The following PLA2G4E variants were observed in gnomAD, a reference collection of about 807,000 sequenced individuals.
PLA2G4E encodes the protein cytosolic phospholipase A2 epsilon.
PLA2G4E carries 84 observed loss-of-function variants against 109.1 expected under a neutral mutation model. That is an observed-to-expected ratio of 0.77 (90% CI 0.65 to 0.92). PLA2G4E has a LOEUF of 0.92. PLA2G4E is among the 40% of genes least tolerant of loss of function. The pLI is 0.00. For missense variants in PLA2G4E, 1,057 were observed against 1,076.6 expected (o/e 0.98, Z 0.25); for synonymous variants, 469 against 436.1 (o/e 1.08, Z -0.94).
intron 2 of PLA2G4E, among the ~76,000 whole-genome samples, chr15:42,012,599 C>T (rs1240927080): frequency 6.6e-6 from 1 of 152,174 alleles, no homozygotes; most frequent in Non-Finnish European, 1.5e-5. Flanking sequence ...ATACTCAGGT[C>T]CTGCCCCTCT....
chr15:41,990,756 T>C (rs1482005643), intron 13 of PLA2G4E, among the ~76,000 whole-genome samples: 1 of 148,272 alleles, frequency 6.7e-6, no homozygotes, highest in East Asian at 2.0e-4. Context: ...TTTTTTTTTT[T>C]TTTTTTTTAA....
At chr15:42,001,040 A>G in intron 7 of PLA2G4E, 117 bp downstream of exon 7, 1 of 1,036,710 alleles carries the variant, frequency 9.6e-7, no homozygotes, top group East Asian at 2.4e-5. Flanking sequence ...GTTTCAGCCG[A>G]GCTTTTGGTC....
intron 1 of PLA2G4E, among the ~76,000 whole-genome samples, chr15:42,033,840 G>C (rs1300110756): frequency 6.6e-6 from 1 of 152,214 alleles, no homozygotes; most frequent in African/African-American, 2.4e-5. Flanking sequence ...CAAGCCTCCT[G>C]TCCTGTGTAG....
chr15:41,983,751 G>A (rs2068094798), exon 20 of PLA2G4E: 1 of 1,581,434 alleles, frequency 6.3e-7, no homozygotes, highest in African/African-American at 1.3e-5. Flanking sequence ...GGCTCCCTGG[G>A]GCCTAGGAGG....
intron 10 of PLA2G4E, 98 bp downstream of exon 10, chr15:41,999,426 G>T (rs1464563149): frequency 1.4e-5 from 12 of 857,302 alleles, no homozygotes; most frequent in Non-Finnish European, 1.9e-5. Flanking sequence ...AACATCATTA[G>T]CCATAGGGGA....
chr15:41,984,576 G>A, exon 19 of PLA2G4E: 1 of 1,613,900 alleles, frequency 6.2e-7, no homozygotes, highest in Non-Finnish European at 8.5e-7. Flanking sequence ...TTTGGGGAAG[G>A]GGATGTTCTG....
intron 1 of PLA2G4E, among the ~76,000 whole-genome samples, chr15:42,038,787 A>G (rs553972088): frequency 2.0e-5 from 3 of 152,326 alleles, no homozygotes; most frequent in Non-Finnish European, 2.9e-5. Flanking sequence ...TTTAGTGTCT[A>G]TATTCCTAGG....
intron 16 of PLA2G4E, among the ~76,000 whole-genome samples, chr15:41,987,693 C>T (rs1210153206): frequency 6.6e-6 from 1 of 152,152 alleles, no homozygotes; most frequent in Non-Finnish European, 1.5e-5. Context: ...GTGCTGGCAG[C>T]CTTGCCTCCA....
intron 5 of PLA2G4E, among the ~76,000 whole-genome samples, chr15:42,003,678 G>A (rs1704363): frequency 0.64 from 97,240 of 152,102 alleles, 33,123 homozygotes; most frequent in Non-Finnish European, 0.78. Flanking sequence ...GATCCCCTAG[G>A]CAGAGGATTC....
chr15:42,004,895 A>C (rs1008429221), intron 5 of PLA2G4E, 43 bp downstream of exon 5: 1 of 1,603,198 alleles, frequency 6.2e-7, no homozygotes, highest in East Asian at 2.3e-5. Context: ...AAGCTACTTG[A>C]TGGCCAGGAC....
chr15:42,011,037 C>A (rs1467867721), intron 2 of PLA2G4E, among the ~76,000 whole-genome samples: 2 of 152,274 alleles, frequency 1.3e-5, no homozygotes, highest in South Asian at 4.1e-4. Flanking sequence ...GGTAGCAACA[C>A]AGCCCAGCCT....
intron 13 of PLA2G4E, among the ~76,000 whole-genome samples, chr15:41,991,790 C>T (rs940667069): frequency 5.3e-5 from 8 of 152,142 alleles, no homozygotes; most frequent in African/African-American, 1.9e-4. Context: ...CAGAACTCCC[C>T]GGACACCTTT....
At chr15:42,036,934 C>T (rs1163133585) in intron 1 of PLA2G4E, among the ~76,000 whole-genome samples, 2 of 152,218 alleles carry the variant, frequency 1.3e-5, no homozygotes, top group Admixed American at 6.5e-5. Flanking sequence ...GCTGCCGGCG[C>T]CCACTCCGAT....
intron 14 of PLA2G4E, 62 bp from the exon 15 acceptor site, chr15:41,989,614 G>C (rs1237331387): frequency 3.9e-6 from 6 of 1,547,442 alleles, no homozygotes; most frequent in Non-Finnish European, 5.2e-6. Flanking sequence ...ACACAGCCGG[G>C]CCCCCCTCCT....
intron 1 of PLA2G4E, among the ~76,000 whole-genome samples, chr15:42,044,107 C>T (rs1889367234): frequency 6.6e-6 from 1 of 152,172 alleles, no homozygotes; most frequent in African/African-American, 2.4e-5. Context: ...TTCCGAGTAT[C>T]AAAATCAACA....
intron 10 of PLA2G4E, chr15:41,998,652 T>C (rs2068378279): frequency 6.6e-6 from 1 of 152,210 alleles, no homozygotes; most frequent in Non-Finnish European, 1.5e-5. Flanking sequence ...AAGAACGAGG[T>C]TGAGCCCCTC....
intron 1 of PLA2G4E, among the ~76,000 whole-genome samples, chr15:42,029,537 G>T (rs1022002054): frequency 6.6e-6 from 1 of 152,192 alleles, no homozygotes; most frequent in Non-Finnish European, 1.5e-5. Context: ...GGTGCCAAAA[G>T]CCTTCTGCAC....
chr15:42,005,040 C>A, intron 4 of PLA2G4E, 62 bp from the exon 5 acceptor site: 1 of 1,585,870 alleles, frequency 6.3e-7, no homozygotes. Context: ...CTGACCAGAA[C>A]CCTTTGCCAC....
At chr15:41,992,990 T>A in intron 12 of PLA2G4E, 31 bp from the exon 13 acceptor site, 1 of 1,572,358 alleles carries the variant, frequency 6.4e-7, no homozygotes, top group Non-Finnish European at 8.6e-7. Flanking sequence ...CTGATAGGGC[T>A]GACCCGGCCC....
Sources: allele counts gnomAD v4.1 joint callset (sites outside exome capture counted in the v4.1 genomes callset), GRCh38; gene constraint gnomAD v4.1.1; transcripts MANE v1.5; gene names NCBI Gene and HGNC (gene_info 2026-07-23, HGNC 2026-07-21).